Variants in PPARG observed in about 807,000 individuals in gnomAD.
The protein encoded by PPARG is peroxisome proliferator-activated receptor gamma.
In PPARG, 17 loss-of-function variants were observed where a neutral mutation model predicts 39.2. The ratio of observed to expected loss-of-function variants is 0.43; its 90% CI spans 0.30 to 0.65. PPARG has a LOEUF of 0.65. PPARG is among the 30% of genes least tolerant of loss of function. PPARG has a pLI of 0.13. For synonymous variants in PPARG, 223 were observed against 215.7 expected (o/e 1.03, Z -0.30); for missense variants, 406 against 585.9 (o/e 0.69, Z 3.17).
In PPARG at chr3:12,303,741, G is replaced by A. The variant is rs182120306; in HGVS notation, c.-82-8639G>A. On this transcript the variant is annotated intron_variant, in intron 1 of 7. Coordinates refer to ENST00000651735, the MANE Select transcript of PPARG (RefSeq NM_138711.6). Reference sequence around the variant, plus strand: ...GGGAAAGGATGATTTGTGAGAAAGTGAGTGCTTCGTCATTGGACATATTCA... The same window carrying A: ...GGGAAAGGATGATTTGTGAGAAAGTAAGTGCTTCGTCATTGGACATATTCA... Among the ~76,000 whole-genome samples, 8 of 152,356 alleles carry A rather than the reference G, an allele frequency of 5.3e-5. No individual in the cohort carries two copies. In the East Asian group the frequency reaches 1.5e-3, roughly 29 times the overall value.
intron 7 of PPARG, among the ~76,000 whole-genome samples, chr3:12,422,075 G>T (rs1270657913): frequency 2.6e-5 from 4 of 152,180 alleles, no homozygotes; most frequent in Non-Finnish European, 5.9e-5. Flanking sequence ...TCCCCCATGG[G>T]TCATACCAGA....
chr3:12,386,790 C>T (rs114722546), intron 4 of PPARG, among the ~76,000 whole-genome samples: 2,043 of 152,162 alleles, frequency 0.013, 56 homozygotes, highest in African/African-American at 0.047. Context: ...TACATAGTTA[C>T]ACATGTGTCA....
At chr3:12,400,531 G>A (rs2050434448) in intron 5 of PPARG, among the ~76,000 whole-genome samples, 1 of 152,188 alleles carries the variant, frequency 6.6e-6, no homozygotes, top group Non-Finnish European at 1.5e-5. Flanking sequence ...CTTCCTGAAG[G>A]GAGCCTACCA....
chr3:12,351,529 A>T, intron 2 of PPARG: 2 of 1,256,932 alleles, frequency 1.6e-6, no homozygotes, highest in Non-Finnish European at 2.3e-6. Flanking sequence ...TAACGGATTG[A>T]TCTTTTGCTA....
chr3:12,309,533 T>C (rs946430619), intron 1 of PPARG, among the ~76,000 whole-genome samples: 25 of 152,208 alleles, frequency 1.6e-4, no homozygotes, highest in East Asian at 1.9e-4. Context: ...ATCAGTGTTA[T>C]GACACTCCAG....
chr3:12,303,363 G>A (rs2124961329), intron 1 of PPARG, among the ~76,000 whole-genome samples: 1 of 152,172 alleles, frequency 6.6e-6, no homozygotes, highest in Non-Finnish European at 1.5e-5. Context: ...CACCCGGCTA[G>A]TTTTTAAAAG....
At chr3:12,293,349 T>TA (rs749244904) in intron 1 of PPARG, among the ~76,000 whole-genome samples, 25 of 151,452 alleles carry the variant, frequency 1.7e-4, no homozygotes, top group African/African-American at 3.6e-4. Flanking sequence ...ATGTCACTAT[T>TA]AAAAAAAAAC....
intron 7 of PPARG, among the ~76,000 whole-genome samples, chr3:12,424,078 G>C (rs1031027935): frequency 2.0e-5 from 3 of 152,166 alleles, no homozygotes; most frequent in Non-Finnish European, 4.4e-5. Flanking sequence ...GACTCGCTTT[G>C]AGTTATCTAG....
intron 2 of PPARG, among the ~76,000 whole-genome samples, chr3:12,364,953 A>G (rs142841389): frequency 5.3e-5 from 8 of 152,302 alleles, no homozygotes; most frequent in African/African-American, 1.9e-4. Flanking sequence ...TTATCACAGT[A>G]GTCCCTGACC....
chr3:12,407,891 T>TA (rs773130887), intron 6 of PPARG, among the ~76,000 whole-genome samples: 10 of 152,018 alleles, frequency 6.6e-5, no homozygotes, highest in Non-Finnish European at 1.0e-4. Flanking sequence ...CTTTACAGTA[T>TA]AAAAAAAACC....
At chr3:12,416,651 A>G (rs1382710297) in intron 6 of PPARG, 53 bp from the exon 7 acceptor site, 1 of 1,541,588 alleles carries the variant, frequency 6.5e-7, no homozygotes, top group Non-Finnish European at 8.9e-7. Flanking sequence ...GATGGCATTC[A>G]CTGTGAGTTA....
chr3:12,335,024 T>C (rs1261322870), intron 2 of PPARG, among the ~76,000 whole-genome samples: 1 of 152,220 alleles, frequency 6.6e-6, no homozygotes. Context: ...ATTGCAAAAT[T>C]GGGAGTAATA....
Position 12,381,182 on chromosome 3 carries a change from G to A in PPARG, c.221-140G>A, listed in dbSNP as rs893494815. On this transcript the variant is annotated intron_variant, in intron 3 of 7. Coordinates refer to ENST00000651735, the MANE Select transcript of PPARG (RefSeq NM_138711.6). ...CTTTCTTTTTCTTGCCTTAACTCCA[G>A]TGTTTTTTCATGTTCCACTGTGCTT... is the stretch of plus-strand genomic sequence containing the variant. 2.0e-5 allele frequency: 17 copies of A among 849,844 alleles called. No individual in the cohort carries two copies. The African/African-American group carries it at 2.7e-4, about 14-fold the overall frequency. The allele number at this position is 849,844 out of a possible 1,614,324, so 52.6% of individuals were successfully genotyped here.
chr3:12,374,592 C>G (rs2049338389), intron 2 of PPARG, among the ~76,000 whole-genome samples: 1 of 151,936 alleles, frequency 6.6e-6, no homozygotes, highest in South Asian at 2.1e-4. Flanking sequence ...GAGCGAGACT[C>G]CACCAAAAAC....
chr3:12,406,546 T>C (rs1365030081), intron 6 of PPARG: 1 of 153,806 alleles, frequency 6.5e-6, no homozygotes, highest in African/African-American at 2.6e-5. Flanking sequence ...TTTTTTTTTT[T>C]TTTTTTTTTT....
rs58459399 is a variant in PPARG at position 12,298,298 on chromosome 3, CAAAAAAAAAAA to C, written c.-83+9183_-83+9193del. Among the ~76,000 whole-genome samples, 294 of 41,390 alleles carry C rather than the reference CAAAAAAAAAAA, an allele frequency of 7.1e-3. 1 individual carries two copies. Among genetic ancestry groups the C allele is most frequent in the African/African-American group, 0.012 (80 of 6,406 alleles). The allele number at this position is 41,390 out of a possible 152,430, so 27.2% of individuals were successfully genotyped here. ...TGGGCGACAGAGCGAGACTCTGTCT[CAAAAAAAAAAA>C]AAAAAAAAAAAAAAAAAAGAAATGT... On this transcript the variant is annotated intron_variant, in intron 1 of 7. Coordinates refer to ENST00000651735, the MANE Select transcript of PPARG (RefSeq NM_138711.6).
At chr3:12,410,605 TG>T (rs2050848995) in intron 6 of PPARG, among the ~76,000 whole-genome samples, 3 of 152,230 alleles carry the variant, frequency 2.0e-5, no homozygotes, top group Admixed American at 1.3e-4. Context: ...ACATTGTTTA[TG>T]GTAGGTACAT....
chr3:12,293,864 T>C (rs769135956), intron 1 of PPARG, among the ~76,000 whole-genome samples: 3 of 152,238 alleles, frequency 2.0e-5, no homozygotes, highest in Non-Finnish European at 4.4e-5. Flanking sequence ...CGGAAGGAAC[T>C]TCCTAACCTT....
intron 7 of PPARG, among the ~76,000 whole-genome samples, chr3:12,419,820 A>G (rs1009370974): frequency 3.9e-5 from 6 of 152,134 alleles, no homozygotes; most frequent in Non-Finnish European, 8.8e-5. Context: ...TTGAAAATAT[A>G]TTAATATTTA....
Sources: allele counts gnomAD v4.1 joint callset (sites outside exome capture counted in the v4.1 genomes callset), GRCh38; gene constraint gnomAD v4.1.1; transcripts MANE v1.5; gene names NCBI Gene and HGNC (gene_info 2026-07-23, HGNC 2026-07-21).